The following NEXN variants were observed in gnomAD, a reference collection of about 807,000 sequenced individuals.
NEXN encodes nexilin F-actin binding protein.
In NEXN, 65 loss-of-function variants were observed where a neutral mutation model predicts 92.6. The ratio of observed to expected loss-of-function variants is 0.70; its 90% CI spans 0.57 to 0.86. NEXN has a LOEUF of 0.86. Among genes scored for constraint, NEXN ranks in the 40% least tolerant of loss-of-function variants. The pLI, the probability that NEXN is intolerant of heterozygous loss-of-function variation, is 0.00. For missense variants in NEXN, 778 were observed against 771.1 expected (o/e 1.01, Z -0.11); for synonymous variants, 254 against 242.5 (o/e 1.05, Z -0.44).
chr1:77,915,039 T>C (rs897817249), intron 1 of NEXN, among the ~76,000 whole-genome samples: 6 of 151,996 alleles, frequency 3.9e-5, no homozygotes, highest in African/African-American at 1.5e-4. Flanking sequence ...GGGGGCCAGA[T>C]GCAGTGGCTC....
In NEXN at chr1:77,916,064, T is replaced by A. The variant is rs765499984; in HGVS notation, c.-43T>A. On this transcript the variant is annotated 5_prime_UTR_variant, in exon 2 of 13. Coordinates refer to ENST00000334785, the MANE Select transcript of NEXN (RefSeq NM_144573.4). ...TATAAATTTTTTTCAGGTGCAAATA[T>A]ATACAGAGCTTCATAATCAGCCCAA... The A allele has an allele frequency of 6.9e-7, 1 of 1,459,642 alleles. No homozygotes were observed. The highest frequency in any genetic ancestry group is 9.2e-7 in the Non-Finnish European group (1 of 1,087,672). The allele number at this position is 1,459,642 out of a possible 1,614,324, so 90.4% of individuals were successfully genotyped here.
intron 5 of NEXN, among the ~76,000 whole-genome samples, chr1:77,918,787 A>C (rs1283933751): frequency 6.6e-6 from 1 of 152,098 alleles, no homozygotes; most frequent in Non-Finnish European, 1.5e-5. Flanking sequence ...TAGTGAGATG[A>C]TTTGTATCAT....
At position 77,942,046 on chromosome 1, in the gene NEXN, T is replaced by C. The variant is rs772515538; in HGVS notation, c.1497T>C (p.Pro499=). Residue 499 remains proline, a synonymous_variant, in exon 12 of 13, where the codon CCT becomes CCC. Transcript: ENST00000334785. ...FHEEDDVDVR[P]ARKSEAPFTH... ...AGGAAGATGATGTTGATGTTAGGCC[T>C]GCAAGAAAAAGCGAGGCTCCATTTA... 1.2e-6 allele frequency: 2 copies of C among 1,613,168 alleles called. No individual in the cohort carries two copies. The highest frequency in any genetic ancestry group is 2.7e-5 in the African/African-American group (2 of 74,890).
intron 10 of NEXN, among the ~76,000 whole-genome samples, chr1:77,934,011 A>ATTTTTTTTTTTTT (rs71075780): frequency 4.4e-5 from 5 of 114,300 alleles, no homozygotes; most frequent in East Asian, 2.5e-4. Context: ...CTAATTTTTA[A>ATTTTTTTTTTTTT]TTTTTTTTTT....
intron 1 of NEXN, among the ~76,000 whole-genome samples, chr1:77,910,732 CAG>C (rs1648498456): frequency 9.2e-6 from 1 of 108,702 alleles, no homozygotes; most frequent in African/African-American, 3.8e-5. Context: ...GCCTGGGTGA[CAG>C]AGTGAGACTG....
intron 1 of NEXN, among the ~76,000 whole-genome samples, chr1:77,891,980 G>A (rs891534758): frequency 6.6e-6 from 1 of 151,904 alleles, no homozygotes; most frequent in Non-Finnish European, 1.5e-5. Context: ...CTACCTGGGA[G>A]GCCGAGGCAG....
At chr1:77,934,553 T>G (rs970702462) in intron 10 of NEXN, among the ~76,000 whole-genome samples, 3 of 152,244 alleles carry the variant, frequency 2.0e-5, no homozygotes, top group African/African-American at 7.2e-5. Context: ...TCACTAAAGC[T>G]TTACGCTGTC....
At chr1:77,920,871 A>G (rs1649370486) in intron 5 of NEXN, among the ~76,000 whole-genome samples, 1 of 152,090 alleles carries the variant, frequency 6.6e-6, no homozygotes, top group Non-Finnish European at 1.5e-5. Flanking sequence ...AAGGAGTTTC[A>G]TTTTTTATAA....
chr1:77,933,316 C>G lies in NEXN; in HGVS notation c.1088C>G (p.Thr363Arg), dbSNP rs748351352. ...VDDDSPEMYK[T>R]ISQEFLTPGK... ...GATGACTCCCCAGAGATGTATAAGA[C>G]AATCTCTCAAGAATTTCTTACACCG... Residue 363 changes from threonine (T) to arginine (R), a missense_variant, in exon 10 of 13, where the codon ACA becomes AGA. By Grantham distance (71) the Thr-to-Arg change is moderately conservative. Transcript: ENST00000334785. 3.0e-5 allele frequency: 48 copies of G among 1,604,760 alleles called. No individual in the cohort carries two copies. Among genetic ancestry groups the G allele is most frequent in the Non-Finnish European group, 2.8e-5 (33 of 1,173,122 alleles).
intron 6 of NEXN, among the ~76,000 whole-genome samples, 178 bp downstream of exon 6, chr1:77,925,407 T>G (rs1649766075): frequency 6.6e-6 from 1 of 152,166 alleles, no homozygotes; most frequent in Non-Finnish European, 1.5e-5. Context: ...ACACTATAGC[T>G]TAGTGTTTTT....
At chr1:77,907,895 A>C (rs1648244441) in intron 1 of NEXN, among the ~76,000 whole-genome samples, 1 of 152,116 alleles carries the variant, frequency 6.6e-6, no homozygotes, top group Non-Finnish European at 1.5e-5. Context: ...TAAAATTATC[A>C]GTTCTTATGA....
intron 5 of NEXN, among the ~76,000 whole-genome samples, chr1:77,923,771 G>A (rs566516088): frequency 2.5e-4 from 38 of 149,476 alleles, no homozygotes; most frequent in Admixed American, 2.0e-3. Flanking sequence ...TCTGCCTCCC[G>A]GGTTCACACG....
intron 11 of NEXN, among the ~76,000 whole-genome samples, chr1:77,937,713 A>G (rs377243095): frequency 3.3e-5 from 5 of 152,168 alleles, no homozygotes; most frequent in African/African-American, 1.2e-4. Context: ...TAAAAAATAA[A>G]AAAAATTATT....
intron 11 of NEXN, among the ~76,000 whole-genome samples, chr1:77,940,797 A>G (rs1342543757): frequency 6.6e-6 from 1 of 152,112 alleles, no homozygotes; most frequent in East Asian, 1.9e-4. Context: ...TCTTTTATGT[A>G]TAATAATTTT....
At chr1:77,919,114 A>G (rs1401187978) in intron 5 of NEXN, among the ~76,000 whole-genome samples, 3 of 152,100 alleles carry the variant, frequency 2.0e-5, no homozygotes, top group Non-Finnish European at 4.4e-5. Flanking sequence ...GTGGCAAGAG[A>G]AAATGAGGAA....
intron 5 of NEXN, among the ~76,000 whole-genome samples, chr1:77,921,964 C>T (rs1459302769): frequency 6.6e-6 from 1 of 151,818 alleles, no homozygotes; most frequent in African/African-American, 2.4e-5. Context: ...GATGGGGTCT[C>T]ACTTTGTTGC....
chr1:77,929,429 A>G lies in NEXN; in HGVS notation c.978A>G (p.Lys326=). Residue 326 remains lysine, a synonymous_variant, in exon 9 of 13, where the codon AAA becomes AAG. Coordinates refer to ENST00000334785, the MANE Select transcript of NEXN (RefSeq NM_144573.4). ...AAAGGCAAAGAAGAGAAGATGAAAA[A>G]AGGAAAGCAGAAGAAGAAGCCAGAA... is the stretch of plus-strand genomic sequence containing the variant. The part of the protein sequence containing the change: ...EMERQRREDE[K]RKAEEEARRR... 2 of 1,613,816 alleles carry G rather than the reference A, an allele frequency of 1.2e-6. No homozygotes were observed. The highest frequency in any genetic ancestry group is 8.5e-7 in the Non-Finnish European group (1 of 1,179,818).
At position 77,926,368 on chromosome 1, in the gene NEXN, A is replaced by G. The variant is rs375029023; in HGVS notation, c.490-46A>G. The G allele has an allele frequency of 1.7e-4, 236 of 1,418,718 alleles. 1 individual carries two copies. The African/African-American group carries it at 3.0e-3, about 18-fold the overall frequency. The allele number at this position is 1,418,718 out of a possible 1,614,324, so 87.9% of individuals were successfully genotyped here. A position where few individuals can be genotyped will look rare whatever the true frequency, so the allele number is the denominator to read the frequency against. Reference sequence around the variant, plus strand: ...TGGAGGTAAAGTCCCATGAAACCCAATTTTGATTAAGAAGAAATAGGCTAA... The same window carrying G: ...TGGAGGTAAAGTCCCATGAAACCCAGTTTTGATTAAGAAGAAATAGGCTAA... On this transcript the variant is annotated intron_variant, in intron 6 of 12. Coordinates refer to ENST00000334785, the MANE Select transcript of NEXN (RefSeq NM_144573.4).
At chr1:77,938,017 A>G (rs891548293) in intron 11 of NEXN, among the ~76,000 whole-genome samples, 1 of 152,178 alleles carries the variant, frequency 6.6e-6, no homozygotes, top group African/African-American at 2.4e-5. Flanking sequence ...AACTGGCAGG[A>G]CTTGGGGATG....
Sources: allele counts gnomAD v4.1 joint callset (sites outside exome capture counted in the v4.1 genomes callset), GRCh38; gene constraint gnomAD v4.1.1; transcripts MANE v1.5; gene names NCBI Gene and HGNC (gene_info 2026-07-23, HGNC 2026-07-21).